The following BCL2A1 variants were observed in gnomAD, a reference collection of about 807,000 sequenced individuals.
BCL2A1 encodes bcl-2-related protein A1.
Under a neutral mutation model 14.4 loss-of-function variants are expected in BCL2A1, and 10 were observed. That is an observed-to-expected ratio of 0.69 (90% CI 0.43 to 1.18). BCL2A1 has a LOEUF of 1.18. Among genes scored for constraint, BCL2A1 ranks in the 50% most tolerant of loss-of-function variants. The pLI, the probability that BCL2A1 is intolerant of heterozygous loss-of-function variation, is 0.00. For missense variants in BCL2A1, 158 were observed against 205.0 expected (o/e 0.77, Z 1.40); for synonymous variants, 71 against 76.5 (o/e 0.93, Z 0.38).
intron 1 of BCL2A1, among the ~76,000 whole-genome samples, chr15:79,968,632 G>A (rs2035566356): frequency 6.6e-6 from 1 of 152,164 alleles, no homozygotes; most frequent in Non-Finnish European, 1.5e-5. Context: ...AAAGATATCT[G>A]CCACATACAT....
Position 79,961,051 on chromosome 15 carries a change from G to A in BCL2A1, c.*16C>T, listed in dbSNP as rs111469172. ...AAAAATTAGGCCGGTTTCACAATAT[G>A]GAGTGTCCTTTCTGGTCAACAGTAT... On this transcript the variant is annotated 3_prime_UTR_variant, in exon 2 of 2. Transcript: ENST00000267953. 39 of 1,613,190 alleles carry A rather than the reference G, an allele frequency of 2.4e-5. No individual in the cohort carries two copies. The African/African-American group carries it at 3.1e-4, about 13-fold the overall frequency.
At chr15:79,964,377 G>A (rs1423546432) in intron 1 of BCL2A1, among the ~76,000 whole-genome samples, 1 of 152,154 alleles carries the variant, frequency 6.6e-6, no homozygotes, top group East Asian at 1.9e-4. Context: ...GCTGAGATGG[G>A]AGGATTGCTT....
rs767418595 is a variant in BCL2A1 at position 79,961,087 on chromosome 15, G to C, written c.508C>G (p.Leu170Val). The C allele has an allele frequency of 3.1e-6, 5 of 1,613,954 alleles. No homozygotes were observed. In the Admixed American group the frequency reaches 6.7e-5, roughly 22 times the overall value. The change falls in exon 2 of 2, where the codon CTC becomes GTC. Residue 170 changes from leucine (L) to valine (V), a missense_variant. Leu to Val is a conservative substitution (Grantham distance 32). Coordinates refer to ENST00000267953, the MANE Select transcript of BCL2A1 (RefSeq NM_004049.4). The part of the protein sequence containing the change: ...VTGKICEMLS[L>V]LKQYC ...TCTGGTCAACAGTATTGCTTCAGGAGAGATAGCATTTCACAGATCTTTCCT... is the reference window on the plus strand; with the variant it reads ...TCTGGTCAACAGTATTGCTTCAGGACAGATAGCATTTCACAGATCTTTCCT...
At chr15:79,967,596 TCA>T in intron 1 of BCL2A1, 1 of 1,575,340 alleles carries the variant, frequency 6.3e-7, no homozygotes, top group Non-Finnish European at 8.7e-7. Context: ...TTGTATGTGC[TCA>T]CATCTTGATA....
At chr15:79,965,471 A>C (rs1271085062) in intron 1 of BCL2A1, among the ~76,000 whole-genome samples, 1 of 152,164 alleles carries the variant, frequency 6.6e-6, no homozygotes, top group East Asian at 1.9e-4. Context: ...GTGGAAAACA[A>C]ATTCTAGCAG....
intron 1 of BCL2A1, among the ~76,000 whole-genome samples, chr15:79,964,927 T>C (rs2035524583): frequency 6.6e-6 from 1 of 151,846 alleles, no homozygotes; most frequent in African/African-American, 2.4e-5. Context: ...GCCTTGAGGG[T>C]GGAATGTGCT....
Position 79,970,765 on chromosome 15 carries a change from A to G in BCL2A1, c.355T>C (p.Ser119Pro). 6.2e-6 allele frequency: 10 copies of G among 1,614,198 alleles called. No homozygotes were observed. Among genetic ancestry groups the G allele is most frequent in the Non-Finnish European group, 8.5e-6 (10 of 1,180,022 alleles). ...APDVDTYKEI[S>P]YFVAEFIMNN... Reference sequence around the variant, plus strand: ...ATTATGAACTCCGCAACAAAATATGAAATCTCCTTATAGGTATCCACATCC... The same window carrying G: ...ATTATGAACTCCGCAACAAAATATGGAATCTCCTTATAGGTATCCACATCC... Residue 119 changes from serine (S) to proline (P), a missense_variant, in exon 1 of 2, where the codon TCA (serine) becomes CCA (proline). Coordinates refer to ENST00000267953, the MANE Select transcript of BCL2A1 (RefSeq NM_004049.4).
chr15:79,961,334 C>T (rs1002235827), intron 1 of BCL2A1, among the ~76,000 whole-genome samples, 160 bp from the exon 2 acceptor site: 5 of 152,064 alleles, frequency 3.3e-5, no homozygotes, highest in African/African-American at 9.7e-5. Context: ...GTGTGACCTA[C>T]GTCTGTAATT....
At chr15:79,964,496 G>A (rs1451623237) in intron 1 of BCL2A1, among the ~76,000 whole-genome samples, 5 of 151,868 alleles carry the variant, frequency 3.3e-5, no homozygotes, top group Admixed American at 2.6e-4. Flanking sequence ...CAAAATACAC[G>A]CAAACACCAT....
intron 1 of BCL2A1, among the ~76,000 whole-genome samples, chr15:79,970,347 G>T (rs1352090486): frequency 6.6e-6 from 1 of 152,106 alleles, no homozygotes; most frequent in African/African-American, 2.4e-5. Context: ...TGTACTGTCT[G>T]TACTGTCATG....
intron 1 of BCL2A1, among the ~76,000 whole-genome samples, chr15:79,969,575 A>G (rs1231847335): frequency 6.6e-6 from 1 of 152,222 alleles, no homozygotes; most frequent in Non-Finnish European, 1.5e-5. Context: ...AAGTGGCAGC[A>G]TTAGTACCAT....
intron 1 of BCL2A1, among the ~76,000 whole-genome samples, chr15:79,967,102 G>C (rs926654763): frequency 5.3e-5 from 8 of 152,256 alleles, no homozygotes; most frequent in African/African-American, 1.9e-4. Context: ...ACAAGACGTA[G>C]GGAAGTTAAG....
chr15:79,961,933 C>T (rs1230978020), intron 1 of BCL2A1, among the ~76,000 whole-genome samples: 1 of 152,140 alleles, frequency 6.6e-6, no homozygotes, highest in African/African-American at 2.4e-5. Context: ...ATGAGGAAAT[C>T]GAGGCCCAGA....
Position 79,970,728 on chromosome 15 carries a change from C to T in BCL2A1, c.392G>A (p.Gly131Glu). 6.2e-7 allele frequency: 1 copy of T among 1,612,578 alleles called. No homozygotes were observed. Among genetic ancestry groups the T allele is most frequent in the Non-Finnish European group, 8.5e-7 (1 of 1,178,672 alleles). ...GCCTCCGTTTTGCCTTATCCATTCT[C>T]CTGTGTTATTCATTATGAACTCCGC... ...FVAEFIMNNT[G>E]EWIRQNGGWE... Residue 131 changes from glycine (G) to glutamate (E), a missense_variant, in exon 1 of 2, where the codon GGA becomes GAA. Transcript: ENST00000267953.
In BCL2A1 at chr15:79,970,838, T is replaced by C; in HGVS notation, c.282A>G (p.Ala94=). Reference sequence around the variant, plus strand: ...GTTTCTTGATGAGAATACCTTCAAATGCAAATATGGTTACAATTCTTCCCC... The same window carrying C: ...GTTTCTTGATGAGAATACCTTCAAACGCAAATATGGTTACAATTCTTCCCC... ...INWGRIVTIF[A]FEGILIKKLL... is the part of the protein sequence containing the mutation. Residue 94 remains alanine (A), a synonymous_variant, in exon 1 of 2, where the codon GCA becomes GCG. Transcript: ENST00000267953. 2 of 1,614,270 alleles carry C rather than the reference T, an allele frequency of 1.2e-6. No individual in the cohort carries two copies. The highest frequency in any genetic ancestry group is 1.1e-5 in the South Asian group (1 of 91,088).
Position 79,971,070 on chromosome 15 carries a change from A to G in BCL2A1, c.50T>C (p.Leu17Pro). 6.2e-7 allele frequency: 1 copy of G among 1,614,210 alleles called. No individual in the cohort carries two copies. Among genetic ancestry groups the G allele is most frequent in the Non-Finnish European group, 8.5e-7 (1 of 1,180,010 alleles). ...TTGTGGTATCTGTAGGACGCACTGC[A>G]GATAGTCCTGAGCCAGCCTGTAAAT... ...GYIYRLAQDYLQCVLQIPQPG... is the reference protein window; with the variant it reads ...GYIYRLAQDYPQCVLQIPQPG... Residue 17 changes from leucine (L) to proline (P), a missense_variant, in exon 1 of 2, where the codon CTG becomes CCG. Coordinates refer to ENST00000267953, the MANE Select transcript of BCL2A1 (RefSeq NM_004049.4).
intron 1 of BCL2A1, among the ~76,000 whole-genome samples, chr15:79,965,193 T>A (rs1006100838): frequency 2.0e-5 from 3 of 152,160 alleles, no homozygotes; most frequent in Non-Finnish European, 4.4e-5. Context: ...AGTGGCACGA[T>A]CTCACCTCAC....
chr15:79,965,859 C>T (rs1474036366), intron 1 of BCL2A1, among the ~76,000 whole-genome samples: 2 of 151,824 alleles, frequency 1.3e-5, no homozygotes, highest in Non-Finnish European at 2.9e-5. Context: ...AATGCCTTTG[C>T]CAAAGTGAAC....
chr15:79,967,396 A>G (rs1250526439), intron 1 of BCL2A1, among the ~76,000 whole-genome samples: 3 of 151,900 alleles, frequency 2.0e-5, no homozygotes, highest in Non-Finnish European at 4.4e-5. Context: ...TTGTATTTTC[A>G]GTAGAGACAG....
Sources: allele counts gnomAD v4.1 joint callset (sites outside exome capture counted in the v4.1 genomes callset), GRCh38; gene constraint gnomAD v4.1.1; transcripts MANE v1.5; gene names NCBI Gene and HGNC (gene_info 2026-07-23, HGNC 2026-07-21).